Variants in ARL5A observed in about 807,000 individuals in gnomAD.
ARL5A encodes ADP-ribosylation factor-like protein 5A.
In ARL5A, 18 loss-of-function variants were observed where a neutral mutation model predicts 25.9. The ratio of observed to expected loss-of-function variants is 0.69; its 90% CI spans 0.48 to 1.03. The LOEUF (loss-of-function observed/expected upper bound fraction) is 1.03, where lower values mean the gene tolerates loss of function less well. ARL5A is among the 50% of genes least tolerant of loss of function. The probability of loss-of-function intolerance (pLI) is 0.00; values close to 1 mark genes in which losing one functional copy is unlikely to be tolerated. For synonymous variants in ARL5A, 61 were observed against 67.5 expected (o/e 0.90, Z 0.47); for missense variants, 170 against 211.9 (o/e 0.80, Z 1.23).
intron 1 of ARL5A, among the ~76,000 whole-genome samples, chr2:151,823,012 C>G (rs1002588332): frequency 8.5e-5 from 13 of 152,298 alleles, no homozygotes; most frequent in African/African-American, 2.4e-4. Flanking sequence ...TAGAGAATTA[C>G]TATCTCTGTG....
At chr2:151,815,057 T>C (rs529480533) in intron 2 of ARL5A, 82 bp downstream of exon 2, 1 of 1,024,926 alleles carries the variant, frequency 9.8e-7, no homozygotes, top group African/African-American at 1.6e-5. Context: ...ATGTAATTTC[T>C]TACTGCATTC....
In ARL5A at chr2:151,799,217, A is replaced by G. The variant is rs1299719180; in HGVS notation, c.*4059T>C. The stretch of plus-strand genomic sequence containing the variant: ...TTCAAAGACATATTTCTCTATCTGC[A>G]TTTACAGTCAATGCATGACAAGTGA... On this transcript the variant is annotated 3_prime_UTR_variant, in exon 6 of 6. Coordinates refer to ENST00000295087, the MANE Select transcript of ARL5A (RefSeq NM_012097.4). The G allele has an allele frequency of 6.6e-6, 1 of 152,178 alleles. No individual in the cohort carries two copies. The highest frequency in any genetic ancestry group is 1.5e-5 in the Non-Finnish European group (1 of 68,018). 9.4% of individuals were successfully genotyped at this position (152,178 alleles called of 1,614,324 possible). A position where few individuals can be genotyped will look rare whatever the true frequency, so the allele number is the denominator to read the frequency against.
intron 4 of ARL5A, among the ~76,000 whole-genome samples, chr2:151,809,584 A>T (rs2099830556): frequency 6.6e-6 from 1 of 152,116 alleles, no homozygotes. Context: ...CTGTTCATCA[A>T]CGTGACTTAA....
chr2:151,828,040 G>T, intron 1 of ARL5A, 91 bp downstream of exon 1: 1 of 1,415,046 alleles, frequency 7.1e-7, no homozygotes, highest in Non-Finnish European at 9.8e-7. Context: ...CGACCGAGCC[G>T]CCCACATTCC....
chr2:151,812,307 C>G (rs772467794), intron 4 of ARL5A, 50 bp downstream of exon 4: 2 of 1,285,740 alleles, frequency 1.6e-6, no homozygotes, highest in East Asian at 4.7e-5. Flanking sequence ...AACAAAGTAT[C>G]GATTCCCATA....
intron 1 of ARL5A, among the ~76,000 whole-genome samples, chr2:151,823,725 G>A (rs1376553779): frequency 6.6e-6 from 1 of 152,202 alleles, no homozygotes; most frequent in Non-Finnish European, 1.5e-5. Context: ...TGAGGTGCCA[G>A]TGGAACCTGC....
chr2:151,804,283 C>T (rs1010206129), intron 5 of ARL5A, among the ~76,000 whole-genome samples: 4 of 151,826 alleles, frequency 2.6e-5, no homozygotes, highest in Admixed American at 6.6e-5. Context: ...ATATAGAAAA[C>T]GATGTTCACT....
intron 5 of ARL5A, among the ~76,000 whole-genome samples, chr2:151,804,664 C>G (rs1360920624): frequency 2.6e-5 from 4 of 152,010 alleles, no homozygotes; most frequent in South Asian, 4.1e-4. Context: ...CAGTAGTTAC[C>G]TAATAGCAAA....
chr2:151,801,279 A>G lies in ARL5A; in HGVS notation c.*1997T>C, dbSNP rs577726663. The G allele has an allele frequency of 1.2e-4, 19 of 152,392 alleles. No individual in the cohort carries two copies. The South Asian group carries it at 3.7e-3, about 30-fold the overall frequency. 9.4% of individuals were successfully genotyped at this position (152,392 alleles called of 1,614,324 possible). On this transcript the variant is annotated 3_prime_UTR_variant, in exon 6 of 6. Coordinates refer to ENST00000295087, the MANE Select transcript of ARL5A (RefSeq NM_012097.4). The stretch of plus-strand genomic sequence containing the variant: ...CAATTAAGAATAAATCTGAGCCAAC[A>G]CCTTGATGATGACAAGGGAATGTGC...
Position 151,812,025 on chromosome 2 carries a change from T to A in ARL5A, c.339+332A>T, listed in dbSNP as rs139194844. ...CTAAGCACCCAGGTACTTTAAAATC[T>A]CATTTCCAATGATAATCCTCTGTAT... On this transcript the variant is annotated intron_variant, in intron 4 of 5. Transcript: ENST00000295087. Among the ~76,000 whole-genome samples the A allele has an allele frequency of 7.2e-3, 1,104 of 152,310 alleles. 13 individuals carry two copies. The highest frequency in any genetic ancestry group is 0.025 in the African/African-American group (1,024 of 41,560).
intron 1 of ARL5A, among the ~76,000 whole-genome samples, chr2:151,824,849 G>T (rs924652536): frequency 6.6e-6 from 1 of 152,142 alleles, no homozygotes; most frequent in Non-Finnish European, 1.5e-5. Context: ...CGTAATCGTG[G>T]TTAAAATCCA....
At chr2:151,810,049 C>G (rs949762046) in intron 4 of ARL5A, among the ~76,000 whole-genome samples, 6 of 152,164 alleles carry the variant, frequency 3.9e-5, no homozygotes, top group Admixed American at 2.6e-4. Flanking sequence ...TGCCACTGCA[C>G]TCCAGCCTGG....
chr2:151,814,958 T>C (rs1037797158), intron 2 of ARL5A, among the ~76,000 whole-genome samples, 181 bp downstream of exon 2: 1 of 152,148 alleles, frequency 6.6e-6, no homozygotes, highest in Non-Finnish European at 1.5e-5. Context: ...CTCAATATCA[T>C]ATAAATTTCT....
chr2:151,806,253 C>T (rs937908885), intron 5 of ARL5A, among the ~76,000 whole-genome samples: 4 of 152,172 alleles, frequency 2.6e-5, no homozygotes, highest in African/African-American at 9.7e-5. Context: ...ATCTATCATT[C>T]CAGAACCAAG....
In ARL5A at chr2:151,803,056, T is replaced by A. The variant is rs2099829641; in HGVS notation, c.*220A>T. ...GGATTCATTATGAGAAAAATGTCAA[T>A]CACAGCTTCAATAACTTACTTTGGA... On this transcript the variant is annotated 3_prime_UTR_variant, in exon 6 of 6. Transcript: ENST00000295087. 3.4e-5 allele frequency: 17 copies of A among 500,898 alleles called. No homozygotes were observed. 31.0% of individuals were successfully genotyped at this position (500,898 alleles called of 1,614,324 possible). A position where few individuals can be genotyped will look rare whatever the true frequency, so the allele number is the denominator to read the frequency against.
intron 1 of ARL5A, chr2:151,827,887 G>A (rs974692335): frequency 3.6e-5 from 19 of 529,540 alleles, no homozygotes; most frequent in African/African-American, 2.4e-4. Context: ...CGGAGCAATG[G>A]GTCTATTACG....
intron 1 of ARL5A, among the ~76,000 whole-genome samples, chr2:151,823,512 G>A (rs180690329): frequency 6.6e-6 from 1 of 152,108 alleles, no homozygotes; most frequent in Admixed American, 6.5e-5. Context: ...ATTTGAACTT[G>A]GAAAGTTCAA....
At chr2:151,819,207 TCA>T (rs1367327117) in intron 1 of ARL5A, among the ~76,000 whole-genome samples, 1 of 152,238 alleles carries the variant, frequency 6.6e-6, no homozygotes, top group African/African-American at 2.4e-5. Flanking sequence ...CAGTACTCTC[TCA>T]GTTTCTTACA....
chr2:151,811,517 TA>T (rs2099830840), intron 4 of ARL5A, among the ~76,000 whole-genome samples: 1 of 152,032 alleles, frequency 6.6e-6, no homozygotes, highest in African/African-American at 2.4e-5. Flanking sequence ...GTTACCGTAA[TA>T]TTTTTCTATT....
Sources: gnomAD v4.1 joint callset for allele counts (sites outside exome capture counted in the v4.1 genomes callset) on GRCh38, gnomAD v4.1.1 for gene constraint, MANE v1.5 for transcripts, NCBI Gene and HGNC (gene_info 2026-07-23, HGNC 2026-07-21) for gene names.